Variants in NINL observed in about 807,000 individuals in gnomAD.
NINL encodes the protein ninein like.
In NINL, 153 loss-of-function variants were observed where a neutral mutation model predicts 160.3. The observed-to-expected ratio is 0.95, with a 90% CI of 0.84 to 1.09. NINL has a LOEUF of 1.09. Ranked by LOEUF, NINL falls within the 50% of genes least tolerant of loss-of-function variation. The pLI is 0.00. For synonymous variants in NINL, 800 were observed against 734.8 expected (o/e 1.09, Z -1.43); for missense variants, 1,829 against 1,764.0 (o/e 1.04, Z -0.66).
At chr20:25,516,989 T>C (rs576013911) in intron 3 of NINL, among the ~76,000 whole-genome samples, 98 of 152,234 alleles carry the variant, frequency 6.4e-4, no homozygotes, top group African/African-American at 2.0e-3. Flanking sequence ...ATCTGAATAA[T>C]GGGTATGGTA....
rs1428553620 is a variant in NINL, at chr20:25,452,859, C to T, written c.*592G>A. 6.7e-6 allele frequency: 1 copy of T among 148,952 alleles called. No individual in the cohort carries two copies. The highest frequency in any genetic ancestry group is 1.5e-5 in the Non-Finnish European group (1 of 67,520). 9.2% of individuals were successfully genotyped at this position (148,952 alleles called of 1,614,324 possible). A position where few individuals can be genotyped will look rare whatever the true frequency, so the allele number is the denominator to read the frequency against. On this transcript the variant is annotated 3_prime_UTR_variant, in exon 24 of 24. Transcript: ENST00000278886. ...TACAATTTCCAGTGTGATGACATTT[C>T]AATGGGAAAAAGATTGTGCATTTGC...
At chr20:25,576,859 A>T (rs985559182) in intron 1 of NINL, among the ~76,000 whole-genome samples, 3 of 152,254 alleles carry the variant, frequency 2.0e-5, no homozygotes. Context: ...AAATGTATCA[A>T]GAATTGCTTC....
At chr20:25,540,351 T>A (rs1203600952) in intron 1 of NINL, among the ~76,000 whole-genome samples, 1 of 152,156 alleles carries the variant, frequency 6.6e-6, no homozygotes, top group Non-Finnish European at 1.5e-5. Flanking sequence ...CCAAACAAAC[T>A]GGATGCTGCC....
At chr20:25,540,934 CCTT>C (rs2064652534) in intron 1 of NINL, among the ~76,000 whole-genome samples, 1 of 113,938 alleles carries the variant, frequency 8.8e-6, no homozygotes, top group Non-Finnish European at 2.0e-5. Flanking sequence ...AAAAGCTATC[CCTT>C]TTTTTTTTTA....
At chr20:25,469,799 C>T (rs746172002) in intron 18 of NINL, among the ~76,000 whole-genome samples, 192 bp downstream of exon 18, 4 of 152,184 alleles carry the variant, frequency 2.6e-5, no homozygotes, top group South Asian at 4.1e-4. Context: ...GCCGCCCACA[C>T]GAGGAAGGAG....
At chr20:25,574,930 G>T (rs573050334) in intron 1 of NINL, among the ~76,000 whole-genome samples, 1 of 152,110 alleles carries the variant, frequency 6.6e-6, no homozygotes, top group Non-Finnish European at 1.5e-5. Flanking sequence ...TAAGACAAAT[G>T]ATGACGAAAA....
chr20:25,525,730 A>G (rs1463173869), intron 2 of NINL, among the ~76,000 whole-genome samples: 2 of 152,222 alleles, frequency 1.3e-5, no homozygotes, highest in East Asian at 3.8e-4. Flanking sequence ...CCAACAAGAT[A>G]AGGCACTGCT....
chr20:25,530,983 T>C (rs1021649025), intron 1 of NINL, among the ~76,000 whole-genome samples: 2 of 152,154 alleles, frequency 1.3e-5, no homozygotes, highest in Non-Finnish European at 2.9e-5. Context: ...CTAATAAGCC[T>C]GGGAGCGCTA....
intron 17 of NINL, among the ~76,000 whole-genome samples, chr20:25,473,675 T>TACACAC (rs56359105): frequency 0.023 from 3,144 of 137,876 alleles, 58 homozygotes; most frequent in Admixed American, 0.052. Flanking sequence ...AATACACACA[T>TACACAC]ACACACACAC....
At chr20:25,542,697 T>TAAAAAAAAA (rs71185304) in intron 1 of NINL, among the ~76,000 whole-genome samples, 1 of 51,368 alleles carries the variant, frequency 1.9e-5, no homozygotes, top group African/African-American at 8.6e-5. Flanking sequence ...TTGCTTTCAC[T>TAAAAAAAAA]AAAAAAAAAA....
chr20:25,479,239 G>A (rs745311522), intron 15 of NINL, 33 bp from the exon 16 acceptor site: 1 of 1,570,808 alleles, frequency 6.4e-7, no homozygotes, highest in Non-Finnish European at 8.6e-7. Flanking sequence ...CGTGGACCAG[G>A]AGACCCTAAG....
At chr20:25,454,006 C>G (rs576320964) in intron 23 of NINL, among the ~76,000 whole-genome samples, 1 of 151,888 alleles carries the variant, frequency 6.6e-6, no homozygotes, top group African/African-American at 2.4e-5. Context: ...GAGCAGAGAT[C>G]GCACCACTGC....
chr20:25,569,334 T>C (rs547472212), intron 1 of NINL, among the ~76,000 whole-genome samples: 3 of 152,030 alleles, frequency 2.0e-5, no homozygotes, highest in African/African-American at 7.2e-5. Flanking sequence ...AACAGCAAGT[T>C]TGAATAACTT....
At chr20:25,493,513 A>C (rs1011714336) in intron 10 of NINL, among the ~76,000 whole-genome samples, 3 of 152,110 alleles carry the variant, frequency 2.0e-5, no homozygotes, top group Non-Finnish European at 2.9e-5. Flanking sequence ...TCCCTGACAT[A>C]CTTTCAGCTC....
intron 5 of NINL, among the ~76,000 whole-genome samples, chr20:25,505,592 T>C (rs1008923010): frequency 1.3e-5 from 2 of 152,220 alleles, no homozygotes; most frequent in East Asian, 3.8e-4. Flanking sequence ...TTTTTATTTG[T>C]CAATCACACC....
At chr20:25,457,967 C>T in intron 22 of NINL, among the ~76,000 whole-genome samples, 1 of 152,234 alleles carries the variant, frequency 6.6e-6, no homozygotes, top group South Asian at 2.1e-4. Context: ...CCACCCTCCA[C>T]AGTCTGTGCT....
intron 21 of NINL, 31 bp downstream of exon 21, chr20:25,461,491 C>T (rs753783589): frequency 1.5e-6 from 2 of 1,343,324 alleles, no homozygotes; most frequent in Admixed American, 4.5e-5. Context: ...TGGGACTGGA[C>T]CCAGTGCCTC....
intron 1 of NINL, among the ~76,000 whole-genome samples, chr20:25,535,233 C>G: frequency 6.6e-6 from 1 of 152,224 alleles, no homozygotes; most frequent in East Asian, 1.9e-4. Context: ...AGAGAAGCTA[C>G]GAGTGAACAG....
chr20:25,488,965 G>T, intron 13 of NINL: 1 of 448,886 alleles, frequency 2.2e-6, no homozygotes, highest in Non-Finnish European at 4.1e-6. Context: ...ACTGACAGAC[G>T]GACACGCATG....
Sources: gnomAD v4.1 joint callset for allele counts (sites outside exome capture counted in the v4.1 genomes callset) on GRCh38, gnomAD v4.1.1 for gene constraint, MANE v1.5 for transcripts, NCBI Gene and HGNC (gene_info 2026-07-23, HGNC 2026-07-21) for gene names.